Variants in DNAH17 observed in about 807,000 individuals in gnomAD.
DNAH17 encodes the protein dynein axonemal heavy chain 17, also known as axonemal beta dynein heavy chain 17.
DNAH17 carries 376 observed loss-of-function variants against 485.6 expected under a neutral mutation model. The ratio of observed to expected loss-of-function variants is 0.77; its 90% CI spans 0.71 to 0.84. The LOEUF (loss-of-function observed/expected upper bound fraction) is 0.84. Ranked by LOEUF, DNAH17 falls within the 40% of genes least tolerant of loss-of-function variation. DNAH17 has a pLI of 0.00. For missense variants in DNAH17, 6,370 were observed against 5,839.3 expected, an observed-to-expected ratio of 1.09 and a Z score of -2.96; for synonymous variants, 3,031 against 2,405.9, an observed-to-expected ratio of 1.26 and a Z score of -7.60.
chr17:78,564,345 G>GC (rs1263613961), intron 11 of DNAH17, among the ~76,000 whole-genome samples: 1 of 151,580 alleles, frequency 6.6e-6, no homozygotes, highest in East Asian at 1.9e-4. Context: ...TCTGGCCCTG[G>GC]CCGGGTGACC....
rs187858369 is a variant in DNAH17 at position 78,467,073 on chromosome 17, C to T, written c.8779-257G>A. ...GGGCCCTTGCCTCTCTAAAAAAGGCCGGGCAAAGGAAGGAATGGGGAGTGG... is the reference window on the plus strand; with the variant it reads ...GGGCCCTTGCCTCTCTAAAAAAGGCTGGGCAAAGGAAGGAATGGGGAGTGG... On this transcript the variant is annotated intron_variant, in intron 55 of 80. Coordinates refer to ENST00000389840, the MANE Select transcript of DNAH17 (RefSeq NM_173628.4). Among the ~76,000 whole-genome samples, 301 of 152,336 alleles carry T rather than the reference C, an allele frequency of 2.0e-3. 4 individuals are homozygous for T. The highest frequency in any genetic ancestry group is 0.017 in the East Asian group (86 of 5,190).
At chr17:78,492,841 G>C in intron 41 of DNAH17, 76 bp from the exon 42 acceptor site, 1 of 1,128,096 alleles carries the variant, frequency 8.9e-7, no homozygotes, top group Non-Finnish European at 1.2e-6. Flanking sequence ...CAGGACCATG[G>C]GTGGGCCTGG....
chr17:78,479,042 G>A lies in DNAH17; in HGVS notation c.7975C>T (p.Leu2659Phe). Reference sequence around the variant, plus strand: ...AGCAGTACCTGGAAAATATTGGAGAGGTCCCTGAGGTTGAAGACATAATGA... The same window carrying A: ...AGCAGTACCTGGAAAATATTGGAGAAGTCCCTGAGGTTGAAGACATAATGA... ...KFHYVFNLRD[L>F]SNIFQGLLFS... Residue 2659 changes from leucine to phenylalanine, a missense_variant, in exon 51 of 81, where the codon CTC becomes TTC. Coordinates refer to ENST00000389840, the MANE Select transcript of DNAH17 (RefSeq NM_173628.4). 6.2e-7 allele frequency: 1 copy of A among 1,613,964 alleles called. No homozygotes were observed. Among genetic ancestry groups the A allele is most frequent in the Non-Finnish European group, 8.5e-7 (1 of 1,179,864 alleles).
In DNAH17 at chr17:78,555,543, CAAAAAAAAA is replaced by C. The variant is rs765954549; in HGVS notation, c.2178+2556_2178+2564del. Among the ~76,000 whole-genome samples, 54 of 77,716 alleles carry C rather than the reference CAAAAAAAAA, an allele frequency of 6.9e-4. 1 individual carries two copies. The highest frequency in any genetic ancestry group is 2.8e-3 in the African/African-American group (50 of 17,808). 51.0% of individuals were successfully genotyped at this position (77,716 alleles called of 152,430 possible). ...CGGGGAGAGGAGCAAGATTCCGTCA[CAAAAAAAAA>C]AAAAAAAAAAAAAAGAGGCAAGAAG... is the stretch of plus-strand genomic sequence containing the variant. On this transcript the variant is annotated intron_variant, in intron 14 of 80. Transcript: ENST00000389840.
intron 25 of DNAH17, among the ~76,000 whole-genome samples, chr17:78,524,398 A>G (rs2091008871): frequency 6.6e-6 from 1 of 152,124 alleles, no homozygotes; most frequent in Non-Finnish European, 1.5e-5. Flanking sequence ...TCGGCCTCCC[A>G]AAGTGCTGAG....
At chr17:78,433,687 T>G (rs2086758162) in intron 75 of DNAH17, among the ~76,000 whole-genome samples, 1 of 152,044 alleles carries the variant, frequency 6.6e-6, no homozygotes, top group Non-Finnish European at 1.5e-5. Flanking sequence ...GTGGCAGGAT[T>G]CTGGGGGAAT....
chr17:78,549,897 C>T (rs1447822662), intron 16 of DNAH17, among the ~76,000 whole-genome samples: 4 of 152,164 alleles, frequency 2.6e-5, no homozygotes, highest in Non-Finnish European at 5.9e-5. Flanking sequence ...GTTTGAACGG[C>T]CTGGTTTCTG....
At chr17:78,498,002 C>T (rs1234620086) in intron 37 of DNAH17, among the ~76,000 whole-genome samples, 3 of 151,978 alleles carry the variant, frequency 2.0e-5, no homozygotes, top group Admixed American at 6.5e-5. Context: ...ATTAGCCGGG[C>T]GTGGTGGTGC....
At position 78,526,730 on chromosome 17, in the gene DNAH17, T is replaced by A; in HGVS notation, c.3632A>T (p.Gln1211Leu). 1 of 1,606,342 alleles carries A rather than the reference T, an allele frequency of 6.2e-7. No individual in the cohort carries two copies. Among genetic ancestry groups the A allele is most frequent in the Non-Finnish European group, 8.5e-7 (1 of 1,174,386 alleles). Residue 1211 changes from glutamine (Q) to leucine (L), a missense_variant, in exon 24 of 81, where the codon CAA (glutamine) becomes CTA (leucine). Gln to Leu is a moderately radical substitution (Grantham distance 113). Transcript: ENST00000389840. Reference protein sequence around the residue: ...RRKCQQFELKQHEFRERFRRE... With the variant: ...RRKCQQFELKLHEFRERFRRE... ...CCTGAACCTCTCCCTGAACTCATGT[T>A]GCTTGAGCTGCGAGAGAAGAGTGCA...
intron 49 of DNAH17, 28 bp downstream of exon 49, chr17:78,480,656 G>A (rs1298609357): frequency 1.3e-5 from 20 of 1,583,562 alleles, no homozygotes; most frequent in Non-Finnish European, 1.6e-5. Flanking sequence ...CATGGCAGGT[G>A]ACGGGGATGA....
At chr17:78,485,305 C>T in intron 47 of DNAH17, 1 of 613,182 alleles carries the variant, frequency 1.6e-6, no homozygotes, top group South Asian at 2.0e-5. Flanking sequence ...TCCCGGGGGA[C>T]CTGCTGCCTC....
chr17:78,549,205 G>A (rs1393769805), intron 16 of DNAH17, among the ~76,000 whole-genome samples: 1 of 152,198 alleles, frequency 6.6e-6, no homozygotes, highest in Admixed American at 6.5e-5. Context: ...GTTTAGATGA[G>A]ATAATGAGAT....
Position 78,423,796 on chromosome 17 carries a change from A to T in DNAH17, c.*110T>A, listed in dbSNP as rs1354779735. The T allele has an allele frequency of 5.0e-6, 7 of 1,397,988 alleles. No homozygotes were observed. Among genetic ancestry groups the T allele is most frequent in the Non-Finnish European group, 6.9e-6 (7 of 1,020,952 alleles). 86.6% of individuals were successfully genotyped at this position (1,397,988 alleles called of 1,614,324 possible). On this transcript the variant is annotated 3_prime_UTR_variant, in exon 81 of 81. Transcript: ENST00000389840. ...GTTACAAAGCACCTGATTATTTAAG[A>T]GAACGAAAAACCACCACCAGTTCCT...
intron 47 of DNAH17, chr17:78,485,260 G>A (rs74001376): frequency 0.018 from 11,866 of 642,520 alleles, 742 homozygotes; most frequent in African/African-American, 0.16. Flanking sequence ...CTTGCTCTCC[G>A]TCACCTTTGG....
At chr17:78,542,024 G>A (rs150515741) in intron 17 of DNAH17, among the ~76,000 whole-genome samples, 1 of 151,890 alleles carries the variant, frequency 6.6e-6, no homozygotes, top group African/African-American at 2.4e-5. Context: ...GCCAATAATG[G>A]CCCATCCCCC....
chr17:78,527,840 G>A (rs1001856983), intron 22 of DNAH17, among the ~76,000 whole-genome samples: 6 of 152,082 alleles, frequency 3.9e-5, no homozygotes, highest in Non-Finnish European at 8.8e-5. Context: ...GTGCAGTGGT[G>A]CGATCTTGGC....
intron 56 of DNAH17, among the ~76,000 whole-genome samples, chr17:78,465,036 CCCTG>C (rs1194836751): frequency 1.3e-5 from 2 of 152,244 alleles, no homozygotes; most frequent in Non-Finnish European, 2.9e-5. Context: ...GCTGCAGCCT[CCCTG>C]CCTGATTCTC....
intron 14 of DNAH17, 50 bp downstream of exon 14, chr17:78,558,057 AC>A (rs2092065654): frequency 1.9e-6 from 3 of 1,554,840 alleles, no homozygotes; most frequent in East Asian, 4.5e-5. Flanking sequence ...TTGACAAAAA[AC>A]CAAAACAATA....
chr17:78,498,805 T>C (rs367663357), intron 37 of DNAH17: 38 of 462,548 alleles, frequency 8.2e-5, no homozygotes, highest in African/African-American at 8.0e-5. Flanking sequence ...ACATGTAACC[T>C]GTAATCTGAT....
Sources: allele counts gnomAD v4.1 joint callset (sites outside exome capture counted in the v4.1 genomes callset), GRCh38; gene constraint gnomAD v4.1.1; transcripts MANE v1.5; gene names NCBI Gene and HGNC (gene_info 2026-07-23, HGNC 2026-07-21).